MYT1L: variants seen among roughly 807,000 people sequenced by gnomAD.
MYT1L encodes myelin transcription factor 1 like.
MYT1L carries 12 observed loss-of-function variants against 126.7 expected under a neutral mutation model. That is an observed-to-expected ratio of 0.09 (90% CI 0.06 to 0.15). The LOEUF (loss-of-function observed/expected upper bound fraction) is 0.15. Ranked by LOEUF, MYT1L falls within the 10% of genes least tolerant of loss-of-function variation. The pLI, the probability that MYT1L is intolerant of heterozygous loss-of-function variation, is 1.00. For missense variants in MYT1L, 979 were observed against 1,585.2 expected, an observed-to-expected ratio of 0.62 and a Z score of 6.49; for synonymous variants, 541 against 604.2, an observed-to-expected ratio of 0.90 and a Z score of 1.53.
chr2:2,129,388 T>C (rs1340982181), intron 3 of MYT1L, among the ~76,000 whole-genome samples: 1 of 152,198 alleles, frequency 6.6e-6, no homozygotes, highest in African/African-American at 2.4e-5. Context: ...GAAACCAGTA[T>C]GGTATTGACA....
rs114406594 is a variant in MYT1L, at chr2:2,007,554, T to C, written c.-157-10207A>G. On this transcript the variant is annotated intron_variant, in intron 4 of 24. Transcript: ENST00000647738. ...TGAGGAGTTGCTACCTGTGGAGATA[T>C]TTAACCTTTTATCTGTAGCTATCTG... 5.6e-3 allele frequency among the ~76,000 whole-genome samples: 848 copies of C among 152,340 alleles called. 5 individuals are homozygous for C. Among genetic ancestry groups the C allele is most frequent in the Middle Eastern group, 0.02 (6 of 294 alleles).
rs139756846 is a variant in MYT1L at position 1,834,935 on chromosome 2, A to G, written c.3080+4214T>C. 2.0e-3 allele frequency among the ~76,000 whole-genome samples: 218 copies of G among 109,852 alleles called. 16 individuals are homozygous for G. Among genetic ancestry groups the G allele is most frequent in the East Asian group, 0.013 (40 of 3,056 alleles). 72.1% of individuals were successfully genotyped at this position (109,852 alleles called of 152,430 possible). ...ACATACCACGGGGATGGATACAGGT[A>G]CTCCTCCACATAACACGGGGATGGA... is the stretch of plus-strand genomic sequence containing the variant. On this transcript the variant is annotated intron_variant, in intron 21 of 24. Transcript: ENST00000647738.
chr2:2,079,811 CAAAA>C (rs1021232397), intron 3 of MYT1L, among the ~76,000 whole-genome samples: 1 of 98,830 alleles, frequency 1.0e-5, no homozygotes, highest in Non-Finnish European at 2.1e-5. Flanking sequence ...GACTCCGTCT[CAAAA>C]AAAAAAAAGA....
intron 4 of MYT1L, among the ~76,000 whole-genome samples, chr2:2,011,809 C>G (rs2063854781): frequency 6.6e-6 from 1 of 152,160 alleles, no homozygotes; most frequent in African/African-American, 2.4e-5. Context: ...ATGTATAAAT[C>G]AAAACTACAG....
intron 2 of MYT1L, among the ~76,000 whole-genome samples, chr2:2,253,423 G>A (rs1017986780): frequency 2.6e-5 from 4 of 152,188 alleles, no homozygotes; most frequent in South Asian, 2.1e-4. Flanking sequence ...ATTGCTCAGC[G>A]GGAAATCTCA....
intron 4 of MYT1L, among the ~76,000 whole-genome samples, chr2:2,005,915 C>T (rs1292371570): frequency 6.7e-6 from 1 of 149,014 alleles, no homozygotes; most frequent in East Asian, 2.0e-4. Context: ...TGCGTGCCTT[C>T]TTTCCTGCAT....
At chr2:1,931,067 T>G (rs1177271071) in intron 9 of MYT1L, among the ~76,000 whole-genome samples, 3 of 152,204 alleles carry the variant, frequency 2.0e-5, no homozygotes, top group Non-Finnish European at 4.4e-5. Context: ...GCACACACCC[T>G]GCATGTGGGA....
intron 2 of MYT1L, among the ~76,000 whole-genome samples, chr2:2,176,714 G>A (rs2090837712): frequency 6.6e-6 from 1 of 152,042 alleles, no homozygotes; most frequent in Non-Finnish European, 1.5e-5. Flanking sequence ...GGCCAGGCTG[G>A]TCTCAAACTC....
intron 1 of MYT1L, among the ~76,000 whole-genome samples, chr2:2,288,924 A>G (rs867688876): frequency 3.3e-5 from 5 of 152,254 alleles, no homozygotes; most frequent in Non-Finnish European, 7.3e-5. Context: ...ACTCAAAGTT[A>G]CTTAATAATA....
intron 18 of MYT1L, among the ~76,000 whole-genome samples, chr2:1,880,578 AT>A (rs1416472240): frequency 1.3e-5 from 2 of 152,242 alleles, no homozygotes; most frequent in Admixed American, 1.3e-4. Flanking sequence ...ATAATGAAAT[AT>A]AAATGAAAAA....
At chr2:2,242,638 G>T (rs75494335) in intron 2 of MYT1L, among the ~76,000 whole-genome samples, 12,824 of 152,196 alleles carry the variant, frequency 0.084, 604 homozygotes, top group South Asian at 0.14. Context: ...AAGCAGGCAG[G>T]GTCCCCAATC....
At position 1,919,542 on chromosome 2, in the gene MYT1L, C is replaced by T. The variant is rs908293887; in HGVS notation, c.1484-2203G>A. ...AGCTCAAGATTTTGGAAATGTTACT[C>T]GTTGATAATTTAAATCAGTTTGAGA... On this transcript the variant is annotated intron_variant, in intron 10 of 24. Coordinates refer to ENST00000647738, the MANE Select transcript of MYT1L (RefSeq NM_001303052.2). 5.9e-5 allele frequency among the ~76,000 whole-genome samples: 9 copies of T among 152,224 alleles called. 1 individual carries two copies. The highest frequency in any genetic ancestry group is 1.9e-4 in the African/African-American group (8 of 41,534).
At chr2:1,902,648 C>T (rs909352486) in intron 14 of MYT1L, 1 of 169,110 alleles carries the variant, frequency 5.9e-6, no homozygotes, top group Non-Finnish European at 1.3e-5. Context: ...GCTGAGAACA[C>T]CAAGGAGATG....
intron 8 of MYT1L, among the ~76,000 whole-genome samples, chr2:1,948,412 G>A (rs989654609): frequency 6.6e-6 from 1 of 152,166 alleles, no homozygotes; most frequent in Non-Finnish European, 1.5e-5. Flanking sequence ...CTTCCATGGT[G>A]GCAACACATT....
intron 3 of MYT1L, among the ~76,000 whole-genome samples, chr2:2,113,611 T>A (rs934626602): frequency 2.0e-5 from 3 of 152,236 alleles, no homozygotes; most frequent in Admixed American, 1.3e-4. Flanking sequence ...TGGGCCACTT[T>A]TAAGTGGAAA....
At chr2:1,828,562 G>T (rs2039688963) in intron 21 of MYT1L, 1 of 152,256 alleles carries the variant, frequency 6.6e-6, no homozygotes, top group Admixed American at 6.5e-5. Context: ...GCACTGTGAT[G>T]TGTGTAGACC....
In MYT1L at chr2:2,039,492, C is replaced by A. The variant is rs1440307429; in HGVS notation, c.-158+14486G>T. ...AAATTAGTAAATTAGTCAGAACCTC[C>A]GTTTCCTGACTGTTAGGGAAGTTTA... On this transcript the variant is annotated intron_variant, in intron 4 of 24. Coordinates refer to ENST00000647738, the MANE Select transcript of MYT1L (RefSeq NM_001303052.2). Among the ~76,000 whole-genome samples, 5 of 152,094 alleles carry A rather than the reference C, an allele frequency of 3.3e-5. No homozygotes were observed. The East Asian group carries it at 9.6e-4, about 29-fold the overall frequency.
chr2:2,284,696 C>T (rs2095492585), intron 1 of MYT1L, among the ~76,000 whole-genome samples, 193 bp from the exon 2 acceptor site: 1 of 152,040 alleles, frequency 6.6e-6, no homozygotes, highest in South Asian at 2.1e-4. Context: ...TACTGTGTCT[C>T]CTCAAAATTG....
At chr2:1,886,304 T>C (rs775184776) in intron 18 of MYT1L, 16 of 378,116 alleles carry the variant, frequency 4.2e-5, no homozygotes, top group African/African-American at 8.3e-5. Context: ...ATATCCCAGA[T>C]AGGAAGGATA....
Sources: allele counts gnomAD v4.1 joint callset (sites outside exome capture counted in the v4.1 genomes callset), GRCh38; gene constraint gnomAD v4.1.1; transcripts MANE v1.5; gene names NCBI Gene and HGNC (gene_info 2026-07-23, HGNC 2026-07-21).